JAK2: variants seen among roughly 807,000 people sequenced by gnomAD.
JAK2 encodes the protein tyrosine-protein kinase JAK2.
In JAK2, 86 loss-of-function variants were observed where a neutral mutation model predicts 139.3. The observed-to-expected ratio is 0.62, with a 90% CI of 0.52 to 0.74. The LOEUF (loss-of-function observed/expected upper bound fraction) is 0.74. JAK2 is among the 30% of genes least tolerant of loss of function. The pLI is 0.00. For missense variants in JAK2, 1,421 were observed against 1,360.3 expected (o/e 1.04, Z -0.70); for synonymous variants, 490 against 437.7 (o/e 1.12, Z -1.49).
chr9:5,087,079 G>A (rs1820177949), intron 19 of JAK2, among the ~76,000 whole-genome samples: 2 of 152,116 alleles, frequency 1.3e-5, no homozygotes, highest in African/African-American at 4.8e-5. Context: ...TTGAAAATTG[G>A]TTTCCAACAT....
intron 22 of JAK2, chr9:5,111,074 G>T (rs529614068): frequency 9.9e-6 from 12 of 1,215,898 alleles, no homozygotes; most frequent in Non-Finnish European, 1.3e-5. Flanking sequence ...AACTGGCCCA[G>T]CTCAGGCTCC....
At chr9:5,077,380 A>G (rs1011196468) in intron 14 of JAK2, 73 bp from the exon 15 acceptor site, 2 of 536,496 alleles carry the variant, frequency 3.7e-6, no homozygotes, top group Admixed American at 4.6e-5. Flanking sequence ...ATGTAAGTAT[A>G]AAGATTTAAA....
intron 2 of JAK2, 90 bp from the exon 3 acceptor site, chr9:5,021,873 T>C (rs1185509137): frequency 1.5e-6 from 1 of 675,054 alleles, no homozygotes; most frequent in Non-Finnish European, 2.5e-6. Flanking sequence ...GCTCAAGCTA[T>C]CTGCCCGCCT....
chr9:5,013,329 A>G (rs1363983717), intron 2 of JAK2, among the ~76,000 whole-genome samples: 1 of 152,374 alleles, frequency 6.6e-6, no homozygotes, highest in East Asian at 1.9e-4. Context: ...TAGGAAAAAC[A>G]TAGTATATCT....
chr9:5,110,857 T>C (rs955161351), intron 22 of JAK2: 18 of 483,924 alleles, frequency 3.7e-5, no homozygotes, highest in Non-Finnish European at 4.0e-6. Context: ...GGACGCTTCA[T>C]GCCGCCGCGC....
intron 22 of JAK2, among the ~76,000 whole-genome samples, chr9:5,101,218 C>G (rs931077342): frequency 6.6e-6 from 1 of 152,236 alleles, no homozygotes; most frequent in Non-Finnish European, 1.5e-5. Flanking sequence ...AATGGCACAC[C>G]AGGAGATTAT....
chr9:5,117,836 T>C (rs918715914), intron 22 of JAK2, among the ~76,000 whole-genome samples: 5 of 152,162 alleles, frequency 3.3e-5, no homozygotes, highest in African/African-American at 9.7e-5. Flanking sequence ...GAGGGGACGT[T>C]GTATTAATGA....
chr9:5,080,219 C>A lies in JAK2; in HGVS notation c.2132-10C>A, dbSNP rs1275146700. Reference sequence around the variant, plus strand: ...TTATTTAACCCTACTCTGTTCGTATCATTTAAAAGTTCTTCAGGAGAGAAT... The same window carrying A: ...TTATTTAACCCTACTCTGTTCGTATAATTTAAAAGTTCTTCAGGAGAGAAT... On this transcript the variant is annotated splice_polypyrimidine_tract_variant and intron_variant, in intron 16 of 24. Coordinates refer to ENST00000381652, the MANE Select transcript of JAK2 (RefSeq NM_004972.4). 6.2e-7 allele frequency: 1 copy of A among 1,600,344 alleles called. No individual in the cohort carries two copies. Among genetic ancestry groups the A allele is most frequent in the Admixed American group, 1.7e-5 (1 of 58,928 alleles).
intron 18 of JAK2, among the ~76,000 whole-genome samples, chr9:5,081,313 A>T (rs1366947868): frequency 6.6e-6 from 1 of 151,572 alleles, no homozygotes; most frequent in Non-Finnish European, 1.5e-5. Flanking sequence ...AACATTTCTC[A>T]TATTTTATAA....
At chr9:5,037,175 T>C (rs1270945571) in intron 4 of JAK2, among the ~76,000 whole-genome samples, 3 of 152,110 alleles carry the variant, frequency 2.0e-5, no homozygotes, top group East Asian at 3.9e-4. Flanking sequence ...TCACACCAGT[T>C]AGAATGGCGA....
intron 19 of JAK2, among the ~76,000 whole-genome samples, chr9:5,086,545 TC>T (rs2130651318): frequency 6.6e-6 from 1 of 152,314 alleles, no homozygotes; most frequent in East Asian, 1.9e-4. Flanking sequence ...CTCATTGTTT[TC>T]TCATCACCTT....
At chr9:5,110,374 T>C (rs1269687084) in intron 22 of JAK2, 1 of 152,194 alleles carries the variant, frequency 6.6e-6, no homozygotes, top group African/African-American at 2.4e-5. Flanking sequence ...ATCATAGCAT[T>C]CTCCACCTCA....
At position 4,991,450 on chromosome 9, in the gene JAK2, T is replaced by C. The variant is rs543362254; in HGVS notation, c.-26+5428T>C. Among the ~76,000 whole-genome samples the C allele has an allele frequency of 4.1e-3, 630 of 152,284 alleles. 3 individuals are homozygous for C. The highest frequency in any genetic ancestry group is 0.015 in the African/African-American group (603 of 41,556). ...AATATTTTTATAATATAAAGGGCCA[T>C]GTGATGTGAGTAAGTGCACTGTTTT... On this transcript the variant is annotated intron_variant, in intron 2 of 24. Transcript: ENST00000381652.
At chr9:5,065,993 ACTC>A (rs1329550312) in intron 9 of JAK2, among the ~76,000 whole-genome samples, 1 of 151,854 alleles carries the variant, frequency 6.6e-6, no homozygotes, top group Admixed American at 6.6e-5. Flanking sequence ...TATTTTTAAA[ACTC>A]CTTGCCTTTA....
At chr9:5,100,780 G>C (rs1821416026) in intron 22 of JAK2, 2 of 152,230 alleles carry the variant, frequency 1.3e-5, no homozygotes, top group Admixed American at 6.5e-5. Context: ...TCAGTACTTT[G>C]AGGCCCCTTT....
intron 2 of JAK2, among the ~76,000 whole-genome samples, chr9:5,010,425 A>G (rs536213643): frequency 1.9e-4 from 29 of 151,968 alleles, no homozygotes; most frequent in South Asian, 8.3e-4. Flanking sequence ...GGTTCAAGCA[A>G]TTCTCCTGCC....
rs140052813 is a variant in JAK2 at position 5,044,458 on chromosome 9, A to T, written c.406A>T (p.Ile136Leu). 3.1e-5 allele frequency: 50 copies of T among 1,613,516 alleles called. No homozygotes were observed. In the African/African-American group the frequency reaches 4.1e-4, roughly 13 times the overall value. Residue 136 changes from isoleucine to leucine, a missense_variant, in exon 5 of 25, where the codon ATA becomes TTA. Physicochemically the swap from Ile to Leu is conservative, Grantham distance 5. Coordinates refer to ENST00000381652, the MANE Select transcript of JAK2 (RefSeq NM_004972.4). ...CAGCAACAGAGCCTATCGGCATGGAATATCTCGAGGTGCTGAAGCTCCTCT... is the reference window on the plus strand; with the variant it reads ...CAGCAACAGAGCCTATCGGCATGGATTATCTCGAGGTGCTGAAGCTCCTCT... Reference protein sequence around the residue: ...SGSNRAYRHGISRGAEAPLLD... With the variant: ...SGSNRAYRHGLSRGAEAPLLD...
chr9:5,051,129 A>G, intron 6 of JAK2, among the ~76,000 whole-genome samples: 1 of 152,160 alleles, frequency 6.6e-6, no homozygotes, highest in Middle Eastern at 3.2e-3. Context: ...TATTTCAGAT[A>G]TTTGCAAGAG....
chr9:5,112,879 GC>G, intron 22 of JAK2: 1 of 416,380 alleles, frequency 2.4e-6, no homozygotes. Flanking sequence ...CGAGCCACCC[GC>G]CCTCAGCCCC....
Sources: allele counts gnomAD v4.1 joint callset (sites outside exome capture counted in the v4.1 genomes callset), GRCh38; gene constraint gnomAD v4.1.1; transcripts MANE v1.5; gene names NCBI Gene and HGNC (gene_info 2026-07-23, HGNC 2026-07-21).